Variants in RFX4 observed in about 807,000 individuals in gnomAD.
The protein encoded by RFX4 is regulatory factor X4.
In RFX4, 10 loss-of-function variants were observed where a neutral mutation model predicts 95.0. The ratio of observed to expected loss-of-function variants is 0.11; its 90% CI spans 0.06 to 0.18. The LOEUF (loss-of-function observed/expected upper bound fraction) is 0.18, where lower values mean the gene tolerates loss of function less well. Ranked by LOEUF, RFX4 falls within the 10% of genes least tolerant of loss-of-function variation. The probability of loss-of-function intolerance (pLI) is 1.00; values close to 1 mark genes in which losing one functional copy is unlikely to be tolerated. For missense variants in RFX4, 640 were observed against 922.0 expected (o/e 0.69, Z 3.96); for synonymous variants, 321 against 340.7 (o/e 0.94, Z 0.64).
At position 106,762,338 on chromosome 12, in the gene RFX4, A is replaced by C. The variant is rs573939125; in HGVS notation, c.*869A>C. ...TAACTTTGTGAAACTGGATGGAACAAACTTTAACTTACCAAGCACCAAGTG... is the reference window on the plus strand; with the variant it reads ...TAACTTTGTGAAACTGGATGGAACACACTTTAACTTACCAAGCACCAAGTG... On this transcript the variant is annotated 3_prime_UTR_variant, in exon 18 of 18. Transcript: ENST00000392842. 1 of 152,744 alleles carries C rather than the reference A, an allele frequency of 6.5e-6. No individual in the cohort carries two copies. Among genetic ancestry groups the C allele is most frequent in the South Asian group, 2.1e-4 (1 of 4,826 alleles). 9.5% of individuals were successfully genotyped at this position (152,744 alleles called of 1,614,324 possible). A position where few individuals can be genotyped will look rare whatever the true frequency, so the allele number is the denominator to read the frequency against.
chr12:106,674,187 C>T (rs918832635), intron 4 of RFX4, among the ~76,000 whole-genome samples: 1 of 152,234 alleles, frequency 6.6e-6, no homozygotes, highest in African/African-American at 2.4e-5. Context: ...AGGTCCTTCC[C>T]ATGGGCTATT....
intron 4 of RFX4, among the ~76,000 whole-genome samples, chr12:106,666,375 T>A (rs1033518554): frequency 1.3e-5 from 2 of 152,142 alleles, no homozygotes; most frequent in African/African-American, 4.8e-5. Flanking sequence ...TTTCCTGTGG[T>A]TTGGCTTTTT....
chr12:106,652,432 A>G (rs2040871932), intron 3 of RFX4, among the ~76,000 whole-genome samples: 1 of 152,194 alleles, frequency 6.6e-6, no homozygotes, highest in Non-Finnish European at 1.5e-5. Context: ...ATCTATCCAT[A>G]AGACACTTAC....
intron 15 of RFX4, among the ~76,000 whole-genome samples, chr12:106,745,509 T>C (rs1326221098): frequency 6.6e-6 from 1 of 152,240 alleles, no homozygotes; most frequent in South Asian, 2.1e-4. Flanking sequence ...GGGTATTCCT[T>C]ACCGAGTCTC....
At chr12:106,686,009 G>A (rs1474745431) in intron 5 of RFX4, among the ~76,000 whole-genome samples, 1 of 152,204 alleles carries the variant, frequency 6.6e-6, no homozygotes, top group Non-Finnish European at 1.5e-5. Context: ...AGCCTATTTT[G>A]AGTTAATAAA....
chr12:106,709,557 CTAAT>C, intron 9 of RFX4, 127 bp downstream of exon 9: 7 of 629,230 alleles, frequency 1.1e-5, no homozygotes, highest in Non-Finnish European at 1.3e-5. Flanking sequence ...AGGTATTATA[CTAAT>C]TACTTTACAT....
intron 15 of RFX4, among the ~76,000 whole-genome samples, chr12:106,745,055 T>G (rs901677414): frequency 6.6e-6 from 1 of 152,168 alleles, no homozygotes; most frequent in Non-Finnish European, 1.5e-5. Flanking sequence ...CCTGGAAAAC[T>G]CATATCTAAG....
rs1416534466 is a variant in RFX4 at position 106,583,206 on chromosome 12, C to G, written c.-115C>G. ...CCTTGTGCCCCCTCACTTTCTGCGT[C>G]TCTCTCTCTCCCCTTCTCCCTCCCT... On this transcript the variant is annotated 5_prime_UTR_variant, in exon 1 of 18. Transcript: ENST00000392842. 1.1e-6 allele frequency: 1 copy of G among 895,748 alleles called. No homozygotes were observed. The highest frequency in any genetic ancestry group is 1.8e-5 in the African/African-American group (1 of 56,710). 55.5% of individuals were successfully genotyped at this position (895,748 alleles called of 1,614,324 possible).
intron 17 of RFX4, among the ~76,000 whole-genome samples, chr12:106,759,181 G>C (rs1190599031): frequency 6.6e-6 from 1 of 152,224 alleles, no homozygotes; most frequent in East Asian, 1.9e-4. Context: ...TCTCTCCGAG[G>C]AGGTGACATT....
chr12:106,653,381 G>A (rs2040891971), intron 3 of RFX4, among the ~76,000 whole-genome samples: 1 of 152,206 alleles, frequency 6.6e-6, no homozygotes, highest in African/African-American at 2.4e-5. Flanking sequence ...TCCCATGCAC[G>A]TGCCAGGCAC....
chr12:106,670,472 G>T (rs2041259620), intron 4 of RFX4, among the ~76,000 whole-genome samples: 1 of 152,076 alleles, frequency 6.6e-6, no homozygotes, highest in South Asian at 2.1e-4. Flanking sequence ...ACCCCTCAAG[G>T]GGCAACAGAT....
At chr12:106,609,469 G>A (rs1432647839) in intron 2 of RFX4, among the ~76,000 whole-genome samples, 1 of 152,148 alleles carries the variant, frequency 6.6e-6, no homozygotes, top group Non-Finnish European at 1.5e-5. Context: ...AAAAAAGAGG[G>A]ATCAGCTTAT....
At chr12:106,742,563 G>A (rs1012485913) in intron 15 of RFX4, among the ~76,000 whole-genome samples, 7 of 152,178 alleles carry the variant, frequency 4.6e-5, no homozygotes, top group African/African-American at 1.7e-4. Context: ...TACTCAAAGT[G>A]TGGTTCACAG....
chr12:106,642,123 G>T (rs949452092), intron 3 of RFX4, among the ~76,000 whole-genome samples: 2 of 151,894 alleles, frequency 1.3e-5, no homozygotes, highest in Non-Finnish European at 2.9e-5. Context: ...TGATTCTCCT[G>T]CTTCAGCCTG....
chr12:106,684,969 C>T, intron 5 of RFX4: 1 of 1,601,888 alleles, frequency 6.2e-7, no homozygotes, highest in Non-Finnish European at 8.5e-7. Context: ...TCTCTTCCCT[C>T]CTCGCAAAAG....
At chr12:106,659,892 C>A (rs1565968479) in intron 4 of RFX4, among the ~76,000 whole-genome samples, 1 of 152,140 alleles carries the variant, frequency 6.6e-6, no homozygotes, top group Non-Finnish European at 1.5e-5. Context: ...CACACTTGTC[C>A]TTTTGACTTT....
chr12:106,623,573 T>C (rs2040229117), intron 2 of RFX4, among the ~76,000 whole-genome samples: 1 of 152,216 alleles, frequency 6.6e-6, no homozygotes, highest in Non-Finnish European at 1.5e-5. Context: ...GTAACCCCAG[T>C]ACTTGGCACA....
chr12:106,603,835 T>C (rs2039764533), intron 1 of RFX4, among the ~76,000 whole-genome samples: 1 of 152,234 alleles, frequency 6.6e-6, no homozygotes, highest in Non-Finnish European at 1.5e-5. Flanking sequence ...TAACATGTAA[T>C]GTTGTTCTGG....
intron 3 of RFX4, among the ~76,000 whole-genome samples, chr12:106,645,470 A>G (rs1341830281): frequency 1.3e-5 from 2 of 151,844 alleles, no homozygotes; most frequent in African/African-American, 4.8e-5. Context: ...TCCAAAAAGG[A>G]GGACAGAAGA....
Sources: allele counts gnomAD v4.1 joint callset (sites outside exome capture counted in the v4.1 genomes callset), GRCh38; gene constraint gnomAD v4.1.1; transcripts MANE v1.5; gene names NCBI Gene and HGNC (gene_info 2026-07-23, HGNC 2026-07-21).